Variants in GPM6B observed in about 807,000 individuals in gnomAD.
GPM6B encodes neuronal membrane glycoprotein M6-b.
GPM6B carries 4 observed loss-of-function variants against 27.2 expected under a neutral mutation model. That is an observed-to-expected ratio of 0.15 (90% CI 0.07 to 0.34). The LOEUF (loss-of-function observed/expected upper bound fraction) is 0.34. Ranked by LOEUF, GPM6B falls within the 10% of genes least tolerant of loss-of-function variation. The pLI is 1.00. For missense variants in GPM6B, 183 were observed against 261.9 expected (o/e 0.70, Z 2.08); for synonymous variants, 124 against 103.1 (o/e 1.20, Z -1.23).
chrX:13,797,193 C>G (rs1006002781), intron 2 of GPM6B, among the ~76,000 whole-genome samples: 1 of 112,265 alleles, frequency 8.9e-6, no homozygotes, highest in African/African-American at 3.2e-5. Context: ...GTGCAAGCCA[C>G]TGTGGTGGGG....
At chrX:13,849,863 A>T (rs1187690136) in intron 1 of GPM6B, among the ~76,000 whole-genome samples, 2 of 110,388 alleles carry the variant, frequency 1.8e-5, no homozygotes, top group Non-Finnish European at 3.8e-5. Context: ...GTTCGATACC[A>T]GCCTGGCCAA....
intron 1 of GPM6B, among the ~76,000 whole-genome samples, chrX:13,840,682 C>T (rs1458414315): frequency 9.0e-6 from 1 of 111,004 alleles, no homozygotes; most frequent in African/African-American, 3.3e-5. Flanking sequence ...GCTCCTCTCT[C>T]TCCTCTCCCC....
chrX:13,789,786 A>T lies in GPM6B; in HGVS notation c.182-3978T>A, dbSNP rs369316172. ...CAAGACTCCATCTCAAAACAAAAAC[A>T]AAAACAAAAACAAAAAGACAAAAAA... On this transcript the variant is annotated intron_variant, in intron 2 of 7. Coordinates refer to ENST00000316715, the MANE Select transcript of GPM6B (RefSeq NM_001001995.3). 6.3e-3 allele frequency among the ~76,000 whole-genome samples: 692 copies of T among 110,290 alleles called. 2 individuals carry two copies. The highest frequency in any genetic ancestry group is 0.021 in the African/African-American group (641 of 30,367).
intron 1 of GPM6B, among the ~76,000 whole-genome samples, chrX:13,838,051 G>C (rs2049525883): frequency 9.2e-6 from 1 of 108,770 alleles, no homozygotes; most frequent in Non-Finnish European, 1.9e-5. Flanking sequence ...TAAATACTTA[G>C]TAAGGGGCAA....
intron 1 of GPM6B, among the ~76,000 whole-genome samples, chrX:13,865,417 T>C (rs1335702187): frequency 9.4e-6 from 1 of 106,253 alleles, no homozygotes; most frequent in African/African-American, 3.4e-5. Context: ...GATTTATGTT[T>C]CCATTACAAT....
chrX:13,801,273 A>G (rs1473597452), intron 2 of GPM6B, among the ~76,000 whole-genome samples: 2 of 111,640 alleles, frequency 1.8e-5, no homozygotes, highest in Non-Finnish European at 3.8e-5. Flanking sequence ...TTCTCTGAAG[A>G]AGGGCTGAGC....
At chrX:13,782,550 T>C (rs1292119007) in intron 4 of GPM6B, among the ~76,000 whole-genome samples, 1 of 109,649 alleles carries the variant, frequency 9.1e-6, no homozygotes, top group Non-Finnish European at 1.9e-5. Context: ...GGAGGAGGAT[T>C]CCCACTATTT....
intron 1 of GPM6B, among the ~76,000 whole-genome samples, chrX:13,909,284 C>T (rs973662225): frequency 9.1e-6 from 1 of 109,493 alleles, no homozygotes; most frequent in African/African-American, 3.3e-5. Flanking sequence ...CCACCATACC[C>T]AGCTAATTTT....
intron 1 of GPM6B, among the ~76,000 whole-genome samples, chrX:13,822,533 A>AT (rs1226831480): frequency 0.011 from 1,054 of 98,610 alleles, 12 homozygotes; most frequent in African/African-American, 0.024. Context: ...CGCCCAGCTA[A>AT]TTTTTTTTTT....
chrX:13,803,500 A>G (rs1371609682), intron 2 of GPM6B, among the ~76,000 whole-genome samples: 1 of 112,011 alleles, frequency 8.9e-6, no homozygotes, highest in Non-Finnish European at 1.9e-5. Flanking sequence ...CTGAAACATC[A>G]GAGCATTTTG....
At chrX:13,879,755 AG>A (rs1254795062) in intron 1 of GPM6B, among the ~76,000 whole-genome samples, 1 of 112,252 alleles carries the variant, frequency 8.9e-6, no homozygotes, top group Non-Finnish European at 1.9e-5. Context: ...AGCAAAAAAC[AG>A]GGATTCCCCA....
chrX:13,861,110 A>C (rs1454954774), intron 1 of GPM6B, among the ~76,000 whole-genome samples: 2 of 103,917 alleles, frequency 1.9e-5, no homozygotes, highest in Non-Finnish European at 1.9e-5. Flanking sequence ...ACATATACAC[A>C]CATATATATA....
chrX:13,865,895 C>T (rs2049911356), intron 1 of GPM6B, among the ~76,000 whole-genome samples: 1 of 111,274 alleles, frequency 9.0e-6, no homozygotes, highest in Admixed American at 9.6e-5. Context: ...TTTGACAACA[C>T]GGATACACCT....
At chrX:13,925,952 G>A (rs1345021534) in intron 1 of GPM6B, among the ~76,000 whole-genome samples, 1 of 107,783 alleles carries the variant, frequency 9.3e-6, no homozygotes, top group Non-Finnish European at 1.9e-5. Context: ...CTACTCAGGA[G>A]GCTGAGGCAG....
intron 1 of GPM6B, among the ~76,000 whole-genome samples, chrX:13,905,529 T>C (rs2050322613): frequency 8.9e-6 from 1 of 111,788 alleles, no homozygotes; most frequent in Non-Finnish European, 1.9e-5. Context: ...TGCACATACG[T>C]AGGCCATCTG....
chrX:13,817,603 T>TGCC (rs781586898), upstream of GPM6B, among the ~76,000 whole-genome samples: 25 of 112,631 alleles, frequency 2.2e-4, no homozygotes, highest in Non-Finnish European at 3.9e-4. Flanking sequence ...TCAAAGGACG[T>TGCC]GCCCATAGTC....
At chrX:13,813,106 A>T in intron 1 of GPM6B, among the ~76,000 whole-genome samples, 1 of 111,198 alleles carries the variant, frequency 9.0e-6, no homozygotes, top group Non-Finnish European at 1.9e-5. Context: ...AAGTTAGAAA[A>T]TGTCAACACA....
chrX:13,874,885 T>C (rs2050017460), intron 1 of GPM6B, among the ~76,000 whole-genome samples: 1 of 111,008 alleles, frequency 9.0e-6, no homozygotes, highest in Non-Finnish European at 1.9e-5. Flanking sequence ...GTTGCATTAA[T>C]GCTATTATTG....
intron 4 of GPM6B, 87 bp downstream of exon 4, chrX:13,783,278 T>C (rs1602982926): frequency 1.2e-6 from 1 of 811,155 alleles, no homozygotes; most frequent in East Asian, 3.4e-5. Flanking sequence ...GCTCGATACC[T>C]GGTAGCTTTT....
Sources: gnomAD v4.1 joint callset for allele counts (sites outside exome capture counted in the v4.1 genomes callset) on GRCh38, gnomAD v4.1.1 for gene constraint, MANE v1.5 for transcripts, NCBI Gene and HGNC (gene_info 2026-07-23, HGNC 2026-07-21) for gene names.